Variants in CDKAL1 observed in about 807,000 individuals in gnomAD.
CDKAL1 encodes the protein CDKAL1 threonylcarbamoyladenosine tRNA methylthiotransferase, also known as threonylcarbamoyladenosine tRNA methylthiotransferase.
A neutral mutation model predicts 68.2 loss-of-function variants in CDKAL1; 32 were observed. The observed-to-expected ratio is 0.47, with a 90% CI of 0.35 to 0.63. CDKAL1 has a LOEUF of 0.63. Among genes scored for constraint, CDKAL1 ranks in the 30% least tolerant of loss-of-function variants. CDKAL1 has a pLI of 0.00. For missense variants in CDKAL1, 606 were observed against 696.7 expected (o/e 0.87, Z 1.47); for synonymous variants, 234 against 244.3 (o/e 0.96, Z 0.39).
At chr6:20,659,265 T>G (rs935906618) in intron 5 of CDKAL1, among the ~76,000 whole-genome samples, 17 of 152,248 alleles carry the variant, frequency 1.1e-4, no homozygotes, top group Admixed American at 2.6e-4. Context: ...AATAATACTA[T>G]AGTTTGTTGA....
chr6:20,797,688 T>C lies in CDKAL1; in HGVS notation c.638+16423T>C, dbSNP rs371080224. 3.9e-5 allele frequency among the ~76,000 whole-genome samples: 6 copies of C among 152,152 alleles called. No individual in the cohort carries two copies. The East Asian group carries it at 1.2e-3, about 29-fold the overall frequency. ...ATGAATGATTGACATCCCCAACATC[T>C]TGGATGGATGTAAAAAGCTTATGCC... On this transcript the variant is annotated intron_variant, in intron 8 of 15. Transcript: ENST00000274695.
intron 13 of CDKAL1, among the ~76,000 whole-genome samples, chr6:21,175,331 T>C (rs573204790): frequency 6.6e-6 from 1 of 152,370 alleles, no homozygotes; most frequent in African/African-American, 2.4e-5. Context: ...TTTCTGACTA[T>C]AAAATCTATT....
chr6:20,967,353 T>A (rs1432175762), intron 10 of CDKAL1, among the ~76,000 whole-genome samples: 88 of 152,214 alleles, frequency 5.8e-4, no homozygotes, highest in Non-Finnish European at 5.9e-5. Flanking sequence ...TATGACATTT[T>A]AATTACTTTG....
chr6:20,986,928 A>G (rs914100054), intron 10 of CDKAL1, among the ~76,000 whole-genome samples: 2 of 152,224 alleles, frequency 1.3e-5, no homozygotes, highest in East Asian at 1.9e-4. Flanking sequence ...CCTCAAACTG[A>G]AAAATGGCAC....
rs960734074 is a variant in CDKAL1, at chr6:21,090,316, G to A, written c.1237-18085G>A. ...TCTTCATGGCATTCCTACAATAGAT[G>A]GTGTGCATATCAAGGCTGTAAGTGA... On this transcript the variant is annotated intron_variant, in intron 12 of 15. Transcript: ENST00000274695. Among the ~76,000 whole-genome samples, 6 of 152,160 alleles carry A rather than the reference G, an allele frequency of 3.9e-5. No individual in the cohort carries two copies. In the East Asian group the frequency reaches 1.2e-3, roughly 29 times the overall value.
intron 11 of CDKAL1, among the ~76,000 whole-genome samples, chr6:21,027,284 C>T (rs1769017307): frequency 6.6e-6 from 1 of 152,164 alleles, no homozygotes; most frequent in Admixed American, 6.6e-5. Context: ...AAGTATAATA[C>T]TCCAACTTTA....
At chr6:21,197,083 G>A (rs1029002442) in intron 13 of CDKAL1, among the ~76,000 whole-genome samples, 4 of 151,832 alleles carry the variant, frequency 2.6e-5, no homozygotes, top group African/African-American at 7.3e-5. Context: ...GTTTGAACCC[G>A]GGAGGCGGAA....
At chr6:20,734,184 T>C (rs952916704) in intron 5 of CDKAL1, among the ~76,000 whole-genome samples, 1 of 151,650 alleles carries the variant, frequency 6.6e-6, no homozygotes, top group African/African-American at 2.4e-5. Context: ...GAAAAAGATT[T>C]TGTACAAATT....
intron 5 of CDKAL1, among the ~76,000 whole-genome samples, chr6:20,708,307 T>C (rs893149370): frequency 1.3e-5 from 2 of 152,220 alleles, no homozygotes; most frequent in African/African-American, 4.8e-5. Flanking sequence ...TTTTGTGTTG[T>C]TCACTTTAGA....
intron 4 of CDKAL1, among the ~76,000 whole-genome samples, chr6:20,560,241 CTGAT>C (rs1039816840): frequency 6.6e-6 from 1 of 152,132 alleles, no homozygotes; most frequent in Non-Finnish European, 1.5e-5. Context: ...TTTATTTCTT[CTGAT>C]TGATTTTTTA....
At chr6:20,850,348 A>G (rs565136910) in intron 9 of CDKAL1, among the ~76,000 whole-genome samples, 11 of 152,330 alleles carry the variant, frequency 7.2e-5, no homozygotes, top group Middle Eastern at 3.4e-3. Flanking sequence ...TTTAAACTCT[A>G]TATCAACTGT....
At chr6:20,582,900 A>G (rs918475460) in intron 4 of CDKAL1, among the ~76,000 whole-genome samples, 1 of 152,174 alleles carries the variant, frequency 6.6e-6, no homozygotes, top group Non-Finnish European at 1.5e-5. Context: ...GGACTTCTCT[A>G]AGCTTCCACA....
At chr6:20,809,752 A>G (rs1776718361) in intron 8 of CDKAL1, among the ~76,000 whole-genome samples, 2 of 152,188 alleles carry the variant, frequency 1.3e-5, no homozygotes, top group Admixed American at 1.3e-4. Context: ...GAGTTGCTCT[A>G]CTTCTTGAAG....
At chr6:20,929,015 A>G (rs532877069) in intron 9 of CDKAL1, among the ~76,000 whole-genome samples, 1 of 152,316 alleles carries the variant, frequency 6.6e-6, no homozygotes, top group East Asian at 1.9e-4. Flanking sequence ...AAAGCCAGCC[A>G]ATATTAATTA....
chr6:20,974,861 A>C (rs55752218), intron 10 of CDKAL1, among the ~76,000 whole-genome samples: 14,280 of 149,436 alleles, frequency 0.096, 1,173 homozygotes, highest in African/African-American at 0.23. Context: ...CTCCTGTAGT[A>C]CCCCCTACTC....
intron 5 of CDKAL1, among the ~76,000 whole-genome samples, chr6:20,675,732 T>C (rs892290334): frequency 2.6e-5 from 4 of 152,162 alleles, no homozygotes; most frequent in Non-Finnish European, 5.9e-5. Context: ...ATTTTACTGG[T>C]TTATGCACTT....
chr6:21,058,295 T>C (rs1770946669), intron 11 of CDKAL1, among the ~76,000 whole-genome samples: 1 of 152,364 alleles, frequency 6.6e-6, no homozygotes, highest in African/African-American at 2.4e-5. Flanking sequence ...TTTATCTTTG[T>C]TGGTTTAAAA....
At chr6:21,038,586 T>C (rs538759737) in intron 11 of CDKAL1, among the ~76,000 whole-genome samples, 1 of 152,358 alleles carries the variant, frequency 6.6e-6, no homozygotes, top group African/African-American at 2.4e-5. Context: ...CTCTAACTTA[T>C]CATAGCAAGC....
intron 13 of CDKAL1, among the ~76,000 whole-genome samples, chr6:21,116,677 A>G (rs539328944): frequency 1.4e-4 from 21 of 152,176 alleles, no homozygotes; most frequent in African/African-American, 4.1e-4. Flanking sequence ...TCGCCCCTGC[A>G]CCTCCCCATC....
Sources: gnomAD v4.1 joint callset for allele counts (sites outside exome capture counted in the v4.1 genomes callset) on GRCh38, gnomAD v4.1.1 for gene constraint, MANE v1.5 for transcripts, NCBI Gene and HGNC (gene_info 2026-07-23, HGNC 2026-07-21) for gene names.